CDC14A: variants seen among roughly 807,000 people sequenced by gnomAD.
CDC14A encodes the protein dual specificity protein phosphatase CDC14A.
A neutral mutation model predicts 74.4 loss-of-function variants in CDC14A; 53 were observed. That is an observed-to-expected ratio of 0.71 (90% confidence interval 0.57 to 0.89). CDC14A has a LOEUF of 0.89. CDC14A is among the 40% of genes least tolerant of loss of function. The pLI, the probability that CDC14A is intolerant of heterozygous loss-of-function variation, is 0.00. For synonymous variants in CDC14A, 247 were observed against 258.4 expected (o/e 0.96, Z 0.43); for missense variants, 646 against 713.7 (o/e 0.91, Z 1.08).
intron 4 of CDC14A, among the ~76,000 whole-genome samples, chr1:100,421,732 C>T (rs1245017704): frequency 6.6e-6 from 1 of 152,110 alleles, no homozygotes; most frequent in Non-Finnish European, 1.5e-5. Flanking sequence ...GGAGTCAGCC[C>T]ACTGTTCGAA....
rs1238201010 is a variant in CDC14A, at chr1:100,352,819, G to C, written c.-136G>C. 1 of 1,475,412 alleles carries C rather than the reference G, an allele frequency of 6.8e-7. No homozygotes were observed. Among genetic ancestry groups the C allele is most frequent in the Non-Finnish European group, 8.9e-7 (1 of 1,118,774 alleles). 91.4% of individuals were successfully genotyped at this position (1,475,412 alleles called of 1,614,324 possible). ...CCCCGAAGCCGCCTCCGCCTTCGGC[G>C]CCTGCTGCCTCCCTCGGCCAGGCTT... is the stretch of plus-strand genomic sequence containing the variant. On this transcript the variant is annotated 5_prime_UTR_variant, in exon 1 of 16. Coordinates refer to ENST00000336454, the MANE Select transcript of CDC14A (RefSeq NM_003672.4).
intron 4 of CDC14A, among the ~76,000 whole-genome samples, chr1:100,420,470 A>T (rs75646704): frequency 0.02 from 3,010 of 152,198 alleles, 110 homozygotes; most frequent in African/African-American, 0.069. Context: ...ATTCTATATA[A>T]CTTCTCATGT....
intron 4 of CDC14A, among the ~76,000 whole-genome samples, chr1:100,391,783 A>G (rs1017362052): frequency 1.3e-5 from 2 of 152,218 alleles, no homozygotes; most frequent in Non-Finnish European, 2.9e-5. Flanking sequence ...AAAAGCTGTC[A>G]GCTATTGCAG....
intron 9 of CDC14A, among the ~76,000 whole-genome samples, chr1:100,464,298 T>C (rs1365152782): frequency 1.3e-5 from 2 of 151,234 alleles, no homozygotes; most frequent in Non-Finnish European, 3.0e-5. Flanking sequence ...GGCCCTGGCT[T>C]TGTGGGATAT....
intron 15 of CDC14A, among the ~76,000 whole-genome samples, chr1:100,502,964 TAGAATTATCAACACAAC>T (rs1331466921): frequency 6.6e-6 from 1 of 152,176 alleles, no homozygotes; most frequent in Non-Finnish European, 1.5e-5. Context: ...CATTTATAAA[TAGAATTATCAACACAAC>T]ATTTTCCTCC....
intron 3 of CDC14A, among the ~76,000 whole-genome samples, chr1:100,387,742 C>T: frequency 6.6e-6 from 1 of 152,056 alleles, no homozygotes; most frequent in East Asian, 1.9e-4. Flanking sequence ...GAAAGTCTTC[C>T]TCAGAGTTCT....
intron 6 of CDC14A, 66 bp downstream of exon 6, chr1:100,440,064 T>C: frequency 8.6e-7 from 1 of 1,165,386 alleles, no homozygotes; most frequent in Non-Finnish European, 1.3e-6. Flanking sequence ...AGGAATAATC[T>C]CAACATCCTT....
intron 2 of CDC14A, among the ~76,000 whole-genome samples, chr1:100,376,959 G>A (rs28361199): frequency 0.015 from 2,303 of 151,488 alleles, 62 homozygotes; most frequent in African/African-American, 0.053. Context: ...TTCTTTGCCT[G>A]TTCTTTAGTG....
chr1:100,348,673 A>G (rs1047283208), upstream of CDC14A, among the ~76,000 whole-genome samples: 16 of 152,234 alleles, frequency 1.1e-4, no homozygotes, highest in Non-Finnish European at 1.5e-5. Flanking sequence ...AAGACTAAGG[A>G]GAAATGGAAG....
At position 100,519,831 on chromosome 1, in the gene CDC14A, G is replaced by C. The variant is rs992738591; in HGVS notation, c.*1551G>C. The stretch of plus-strand genomic sequence containing the variant: ...AAAAAAGTAAAATATTTTATTATGA[G>C]TTATTATAAAAATTGGTTAATTGTA... On this transcript the variant is annotated 3_prime_UTR_variant, in exon 16 of 16. Transcript: ENST00000336454. 1 of 152,272 alleles carries C rather than the reference G, an allele frequency of 6.6e-6. No homozygotes were observed. Among genetic ancestry groups the C allele is most frequent in the Admixed American group, 6.6e-5 (1 of 15,260 alleles). 9.4% of individuals were successfully genotyped at this position (152,272 alleles called of 1,614,324 possible).
At chr1:100,439,093 T>TA (rs1231891393) in intron 5 of CDC14A, among the ~76,000 whole-genome samples, 4 of 152,224 alleles carry the variant, frequency 2.6e-5, no homozygotes, top group Non-Finnish European at 5.9e-5. Context: ...TTATGTTGCC[T>TA]AAAGCAGGTC....
At chr1:100,485,055 C>G in intron 11 of CDC14A, 2 of 985,384 alleles carry the variant, frequency 2.0e-6, no homozygotes, top group East Asian at 1.1e-4. Flanking sequence ...CCATGTCTGT[C>G]TGAGTCCAAG....
intron 4 of CDC14A, among the ~76,000 whole-genome samples, chr1:100,409,544 G>C (rs940427182): frequency 2.0e-5 from 3 of 152,190 alleles, no homozygotes; most frequent in Non-Finnish European, 4.4e-5. Context: ...GATACAATGG[G>C]GGTACAGGCA....
intron 4 of CDC14A, among the ~76,000 whole-genome samples, chr1:100,416,218 G>T (rs1661512133): frequency 6.6e-6 from 1 of 152,068 alleles, no homozygotes; most frequent in Admixed American, 6.6e-5. Flanking sequence ...TTCATTCTTT[G>T]CAGGTAACTG....
intron 15 of CDC14A, chr1:100,499,490 C>A: frequency 7.2e-7 from 1 of 1,389,806 alleles, no homozygotes; most frequent in Non-Finnish European, 9.4e-7. Flanking sequence ...TCTTTTTCTT[C>A]TTACCCCCAA....
intron 5 of CDC14A, among the ~76,000 whole-genome samples, chr1:100,424,866 T>G (rs1423170340): frequency 6.6e-6 from 1 of 152,148 alleles, no homozygotes. Context: ...GAACTTGAGC[T>G]CATTTAAAAA....
At chr1:100,420,092 T>TATATATA (rs1662176022) in intron 4 of CDC14A, among the ~76,000 whole-genome samples, 1 of 71,378 alleles carries the variant, frequency 1.4e-5, no homozygotes, top group Non-Finnish European at 3.6e-5. Context: ...AGTGTGTATG[T>TATATATA]GTGTGTGTGT....
chr1:100,371,068 A>G (rs1017551040), intron 2 of CDC14A, among the ~76,000 whole-genome samples: 1 of 152,124 alleles, frequency 6.6e-6, no homozygotes, highest in Non-Finnish European at 1.5e-5. Flanking sequence ...AGGCTATTGT[A>G]ACTGGGATTA....
At chr1:100,410,069 A>C (rs1347870226) in intron 4 of CDC14A, among the ~76,000 whole-genome samples, 1 of 152,072 alleles carries the variant, frequency 6.6e-6, no homozygotes, top group East Asian at 1.9e-4. Flanking sequence ...AGAATTAACC[A>C]GGTGTGGTGG....
Sources: allele counts gnomAD v4.1 joint callset (sites outside exome capture counted in the v4.1 genomes callset), GRCh38; gene constraint gnomAD v4.1.1; transcripts MANE v1.5; gene names NCBI Gene and HGNC (gene_info 2026-07-23, HGNC 2026-07-21).